NXPE4: variants seen among roughly 807,000 people sequenced by gnomAD.
NXPE4 encodes neurexophilin and PC-esterase domain family member 4.
NXPE4 carries 42 observed loss-of-function variants against 33.3 expected under a neutral mutation model. The observed-to-expected ratio is 1.26, with a 90% confidence interval of 0.98 to 1.63. The LOEUF (loss-of-function observed/expected upper bound fraction) is 1.63. Among genes scored for constraint, NXPE4 ranks in the 40% most tolerant of loss-of-function variants. NXPE4 has a pLI of 0.00. For synonymous variants in NXPE4, 253 were observed against 234.9 expected (o/e 1.08, Z -0.71); for missense variants, 709 against 647.6 (o/e 1.09, Z -1.03).
At chr11:114,601,400 T>A in the NXPE4 span, among the ~76,000 whole-genome samples, 8 of 140,818 alleles carry the variant, frequency 5.7e-5, no homozygotes, top group South Asian at 1.7e-3. Context: ...GTTCCATCCG[T>A]GTTGCTGCAA....
the NXPE4 span, among the ~76,000 whole-genome samples, chr11:114,651,517 G>C: frequency 2.0e-5 from 3 of 152,208 alleles, no homozygotes; most frequent in South Asian, 2.1e-4. Flanking sequence ...ACCTGCCACA[G>C]CATGGAAGAG....
At chr11:114,649,434 A>G in the NXPE4 span, among the ~76,000 whole-genome samples, 2 of 152,236 alleles carry the variant, frequency 1.3e-5, no homozygotes, top group East Asian at 3.9e-4. Context: ...ACATGTTAGC[A>G]TATGGAAGGA....
At chr11:114,632,576 ATAT>A in the NXPE4 span, among the ~76,000 whole-genome samples, 1 of 112,076 alleles carries the variant, frequency 8.9e-6, no homozygotes, top group African/African-American at 3.5e-5. Flanking sequence ...TACATATATC[ATAT>A]ATTTATTGTA....
intron 2 of NXPE4, 123 bp downstream of exon 2, chr11:114,594,541 T>TAAA: frequency 1.5e-6 from 1 of 674,978 alleles, no homozygotes; most frequent in African/African-American, 1.8e-5. Flanking sequence ...TGTTGTTTGG[T>TAAA]ATCTAGCTAT....
the NXPE4 span, among the ~76,000 whole-genome samples, chr11:114,601,571 TTATAATTATATATTA>T: frequency 2.1e-5 from 2 of 96,646 alleles, no homozygotes; most frequent in African/African-American, 9.9e-5. Flanking sequence ...TAATTATATA[TTATAATTATATATTA>T]TATATATTAT....
the NXPE4 span, among the ~76,000 whole-genome samples, chr11:114,663,590 T>TATC: frequency 8.1e-5 from 7 of 86,072 alleles, no homozygotes; most frequent in East Asian, 1.6e-3. Context: ...ATCTATCATC[T>TATC]ATCTATCTAT....
At chr11:114,638,565 T>C in the NXPE4 span, among the ~76,000 whole-genome samples, 1 of 151,974 alleles carries the variant, frequency 6.6e-6, no homozygotes, top group African/African-American at 2.4e-5. Flanking sequence ...TTCCCGTTTT[T>C]CTGCTCTGTT....
chr11:114,614,219 G>A, the NXPE4 span, among the ~76,000 whole-genome samples: 38 of 152,050 alleles, frequency 2.5e-4, no homozygotes, highest in African/African-American at 8.9e-4. Context: ...TGGATAATAA[G>A]TGTTGCCTCG....
In NXPE4 at chr11:114,570,855, A is replaced by G; in HGVS notation, c.*83T>C. On this transcript the variant is annotated 3_prime_UTR_variant, in exon 6 of 6. Coordinates refer to ENST00000375478, the MANE Select transcript of NXPE4 (RefSeq NM_001077639.2). The stretch of plus-strand genomic sequence containing the variant: ...CTGCTCTTGCTAGTTGGGAATTCAG[A>G]GCCAAACACAGCATCTGGCCTGCTA... 1 of 953,422 alleles carries G rather than the reference A, an allele frequency of 1.0e-6. No individual in the cohort carries two copies. The highest frequency in any genetic ancestry group is 1.5e-6 in the Non-Finnish European group (1 of 647,368). The allele number at this position is 953,422 out of a possible 1,614,324, so 59.1% of individuals were successfully genotyped here.
chr11:114,588,871 C>T (rs7944362), intron 2 of NXPE4, among the ~76,000 whole-genome samples: 1 of 152,188 alleles, frequency 6.6e-6, no homozygotes, highest in Non-Finnish European at 1.5e-5. Context: ...GTTTATTACA[C>T]AGGCAGCTCC....
chr11:114,582,422 G>C lies in NXPE4; in HGVS notation c.696C>G (p.Tyr232Ter). 5 of 1,614,158 alleles carry C rather than the reference G, an allele frequency of 3.1e-6. No homozygotes were observed. The highest frequency in any genetic ancestry group is 4.2e-6 in the Non-Finnish European group (5 of 1,179,994). ...AGCCTTCTTGGTCTCTGTTGTCCAG[G>C]TACTGGCACAATTCAGCATTTGTGT... ...ILNTNAELCQ[Y>*]LDNRDQEGFY... Residue 232 changes from tyrosine (Y) to a stop codon, truncating the protein, a stop_gained, in exon 3 of 6, where the codon TAC (tyrosine) becomes TAG (stop). Coordinates refer to ENST00000375478, the MANE Select transcript of NXPE4 (RefSeq NM_001077639.2). LOFTEE classifies it high-confidence loss of function.
At chr11:114,651,096 C>T in the NXPE4 span, among the ~76,000 whole-genome samples, 1 of 144,118 alleles carries the variant, frequency 6.9e-6, no homozygotes, top group Non-Finnish European at 1.6e-5. Flanking sequence ...TACAATATTA[C>T]ATATATTATA....
the NXPE4 span, among the ~76,000 whole-genome samples, chr11:114,621,903 C>T: frequency 1.3e-5 from 2 of 151,376 alleles, no homozygotes; most frequent in African/African-American, 4.9e-5. Flanking sequence ...TTGTGGGTAA[C>T]CAGTTACCTG....
intron 5 of NXPE4, among the ~76,000 whole-genome samples, chr11:114,575,191 T>C (rs1298622352): frequency 6.6e-6 from 1 of 152,032 alleles, no homozygotes; most frequent in Non-Finnish European, 1.5e-5. Context: ...GGGACATACC[T>C]TAAGGTAATA....
At chr11:114,609,735 GA>G in the NXPE4 span, among the ~76,000 whole-genome samples, 2 of 151,744 alleles carry the variant, frequency 1.3e-5, no homozygotes, top group Non-Finnish European at 2.9e-5. Flanking sequence ...TTGCCTCATG[GA>G]TAACCACTGT....
chr11:114,616,731 C>G, the NXPE4 span, among the ~76,000 whole-genome samples: 1 of 151,756 alleles, frequency 6.6e-6, no homozygotes, highest in African/African-American at 2.4e-5. Context: ...TAAGTGTTGC[C>G]TCCTGGGTAA....
the NXPE4 span, among the ~76,000 whole-genome samples, chr11:114,644,866 A>G: frequency 6.6e-6 from 1 of 152,108 alleles, no homozygotes; most frequent in Non-Finnish European, 1.5e-5. Context: ...GCATTTGCAT[A>G]GCTATAAACA....
the NXPE4 span, among the ~76,000 whole-genome samples, chr11:114,636,173 C>A: frequency 6.6e-6 from 1 of 151,906 alleles, no homozygotes; most frequent in South Asian, 2.1e-4. Flanking sequence ...GATTCAACTT[C>A]TTCCTGGTTT....
the NXPE4 span, among the ~76,000 whole-genome samples, chr11:114,612,793 T>G: frequency 1.3e-5 from 2 of 151,966 alleles, no homozygotes; most frequent in African/African-American, 4.8e-5. Flanking sequence ...TGGTGGATAA[T>G]AAGTGTTGCC....
Sources: gnomAD v4.1 joint callset for allele counts (sites outside exome capture counted in the v4.1 genomes callset) on GRCh38, gnomAD v4.1.1 for gene constraint, MANE v1.5 for transcripts, NCBI Gene and HGNC (gene_info 2026-07-23, HGNC 2026-07-21) for gene names.